The following RALGAPA1 variants were observed in gnomAD, a reference collection of about 807,000 sequenced individuals.
RALGAPA1 encodes the protein Ral GTPase activating protein catalytic subunit alpha 1, also known as ral GTPase-activating protein subunit alpha-1.
RALGAPA1 carries 52 observed loss-of-function variants against 269.6 expected under a neutral mutation model. The ratio of observed to expected loss-of-function variants is 0.19; its 90% CI spans 0.15 to 0.24. RALGAPA1 has a LOEUF of 0.24. Among genes scored for constraint, RALGAPA1 ranks in the 10% least tolerant of loss-of-function variants. RALGAPA1 has a pLI of 1.00. For synonymous variants in RALGAPA1, 817 were observed against 1,008.3 expected, an observed-to-expected ratio of 0.81 and a Z score of 3.60; for missense variants, 1,917 against 3,013.9, an observed-to-expected ratio of 0.64 and a Z score of 8.52.
rs570570502 is a variant in RALGAPA1 at position 35,792,756 on chromosome 14, C to T, written c.106+15974G>A. Reference sequence around the variant, plus strand: ...TCGTGCCACTGCACTCCAGCCTGGGCGACAGAGTGAGACCCTGTCTCAAAA... The same window carrying T: ...TCGTGCCACTGCACTCCAGCCTGGGTGACAGAGTGAGACCCTGTCTCAAAA... On this transcript the variant is annotated intron_variant, in intron 1 of 41. Transcript: ENST00000680220. Among the ~76,000 whole-genome samples the T allele has an allele frequency of 9.4e-5, 12 of 127,228 alleles. No homozygotes were observed. The South Asian group carries it at 2.8e-3, about 29-fold the overall frequency. 83.5% of individuals were successfully genotyped at this position (127,228 alleles called of 152,430 possible). A position where few individuals can be genotyped will look rare whatever the true frequency, so the allele number is the denominator to read the frequency against.
chr14:35,750,830 C>A, intron 8 of RALGAPA1, 140 bp from the exon 9 acceptor site: 1 of 706,340 alleles, frequency 1.4e-6, no homozygotes, highest in Non-Finnish European at 2.3e-6. Context: ...AATGACATTT[C>A]AAAATTTGCC....
intron 39 of RALGAPA1, 119 bp from the exon 40 acceptor site, chr14:35,549,353 A>C: frequency 9.8e-7 from 1 of 1,025,472 alleles, no homozygotes; most frequent in African/African-American, 1.6e-5. Flanking sequence ...ATTATTCACT[A>C]ATTATTCTTA....
chr14:35,610,830 A>G (rs1324903488), intron 35 of RALGAPA1, among the ~76,000 whole-genome samples: 6 of 152,218 alleles, frequency 3.9e-5, no homozygotes, highest in Non-Finnish European at 8.8e-5. Context: ...TGTTCCATAC[A>G]CTAGCAATAA....
At chr14:35,634,113 T>C (rs1325909007) in intron 33 of RALGAPA1, among the ~76,000 whole-genome samples, 1 of 152,110 alleles carries the variant, frequency 6.6e-6, no homozygotes, top group African/African-American at 2.4e-5. Flanking sequence ...ATATAAAATA[T>C]CAAAAAGAAC....
chr14:35,570,715 A>T lies in RALGAPA1; in HGVS notation c.7398T>A (p.Gly2466=). 1 of 1,606,952 alleles carries T rather than the reference A, an allele frequency of 6.2e-7. No individual in the cohort carries two copies. Among genetic ancestry groups the T allele is most frequent in the Non-Finnish European group, 8.5e-7 (1 of 1,177,384 alleles). Residue 2466 remains glycine (G), a synonymous_variant, in exon 39 of 42, where the codon GGT becomes GGA. Coordinates refer to ENST00000680220, the MANE Select transcript of RALGAPA1 (RefSeq NM_001346249.2). The part of the protein sequence containing the change: ...EVPFFGPLFD[G]AIVNGKVLPI... ...GTAGAACCTTTCCATTCACAATAGC[A>T]CCATCAAAAAGGGGACCAAAGAAGG...
At chr14:35,779,230 A>G (rs1025640354) in intron 1 of RALGAPA1, among the ~76,000 whole-genome samples, 5 of 152,180 alleles carry the variant, frequency 3.3e-5, no homozygotes, top group East Asian at 3.8e-4. Flanking sequence ...TGAAATTAGA[A>G]TAAAACAGGC....
intron 17 of RALGAPA1, among the ~76,000 whole-genome samples, chr14:35,691,822 A>G (rs2066506206): frequency 6.6e-6 from 1 of 152,172 alleles, no homozygotes; most frequent in Admixed American, 6.5e-5. Flanking sequence ...AACATAGGTT[A>G]AATATATAGT....
At chr14:35,614,042 C>A (rs2060108252) in intron 35 of RALGAPA1, among the ~76,000 whole-genome samples, 1 of 152,098 alleles carries the variant, frequency 6.6e-6, no homozygotes, top group Non-Finnish European at 1.5e-5. Context: ...CACTTTATAT[C>A]CACTAAGACG....
chr14:35,611,841 T>C (rs2059955692), intron 35 of RALGAPA1, among the ~76,000 whole-genome samples: 1 of 152,152 alleles, frequency 6.6e-6, no homozygotes, highest in Admixed American at 6.5e-5. Flanking sequence ...AAAACAATCT[T>C]GAAAAAGAAT....
At chr14:35,797,179 C>T (rs985138414) in intron 1 of RALGAPA1, among the ~76,000 whole-genome samples, 33 of 151,180 alleles carry the variant, frequency 2.2e-4, no homozygotes, top group African/African-American at 7.8e-4. Context: ...ATGGTGAAAC[C>T]CCATCTCTAC....
chr14:35,656,937 A>G (rs2063212703), intron 28 of RALGAPA1, among the ~76,000 whole-genome samples: 1 of 152,166 alleles, frequency 6.6e-6, no homozygotes, highest in African/African-American at 2.4e-5. Context: ...GCAACAATAA[A>G]CTCTCAAGTG....
At chr14:35,656,342 C>T (rs1167106546) in intron 28 of RALGAPA1, among the ~76,000 whole-genome samples, 2 of 152,138 alleles carry the variant, frequency 1.3e-5, no homozygotes, top group African/African-American at 4.8e-5. Context: ...AAATTTAACA[C>T]ACCTAGCTAC....
At chr14:35,608,944 T>C (rs1391429294) in intron 35 of RALGAPA1, among the ~76,000 whole-genome samples, 1 of 152,300 alleles carries the variant, frequency 6.6e-6, no homozygotes, top group African/African-American at 2.4e-5. Flanking sequence ...AAACAAGCCT[T>C]GGCCAGGTGC....
At chr14:35,570,844 T>G in intron 38 of RALGAPA1, 100 bp from the exon 39 acceptor site, 1 of 1,077,636 alleles carries the variant, frequency 9.3e-7, no homozygotes, top group South Asian at 1.8e-5. Context: ...TTCTGCTGCT[T>G]CTTTAGTTCT....
At chr14:35,606,345 TACA>T (rs1414297829) in intron 35 of RALGAPA1, among the ~76,000 whole-genome samples, 2 of 152,220 alleles carry the variant, frequency 1.3e-5, no homozygotes, top group Non-Finnish European at 2.9e-5. Context: ...TACAAATCTG[TACA>T]ACATGTTACT....
At chr14:35,643,179 T>C (rs2062143698) in intron 31 of RALGAPA1, among the ~76,000 whole-genome samples, 1 of 150,278 alleles carries the variant, frequency 6.7e-6, no homozygotes, top group South Asian at 2.1e-4. Flanking sequence ...CCAGGGCCTT[T>C]CGAGGGGTGG....
intron 27 of RALGAPA1, among the ~76,000 whole-genome samples, chr14:35,661,911 T>C (rs2063560642): frequency 6.6e-6 from 1 of 152,120 alleles, no homozygotes; most frequent in Non-Finnish European, 1.5e-5. Context: ...TACAGGATCA[T>C]GTAATATAAA....
At chr14:35,644,388 A>G (rs2062244784) in intron 31 of RALGAPA1, among the ~76,000 whole-genome samples, 1 of 152,190 alleles carries the variant, frequency 6.6e-6, no homozygotes, top group Admixed American at 6.5e-5. Flanking sequence ...AAAAAATTAA[A>G]ACAACAGAGA....
In RALGAPA1 at chr14:35,750,639, G is replaced by T; in HGVS notation, c.854C>A (p.Ala285Asp). ...ACAATAGATTGCTTCATTGGTTTCA[G>T]CATCTTTCTTTATCACGACATAATG... ...KPHYVVIKKD[A>D]ETNEAIYCTK... Residue 285 changes from alanine to aspartate, a missense_variant, in exon 9 of 42, where the codon GCT becomes GAT. Around this residue, in one of 11 missense-constraint regions of RALGAPA1, gnomAD observed 462 missense variants for 725.6 expected, o/e 0.64. Transcript: ENST00000680220. 1 of 1,613,274 alleles carries T rather than the reference G, an allele frequency of 6.2e-7. No individual in the cohort carries two copies. The highest frequency in any genetic ancestry group is 1.1e-5 in the South Asian group (1 of 91,000).
Sources: gnomAD v4.1 joint callset for allele counts (sites outside exome capture counted in the v4.1 genomes callset) on GRCh38, gnomAD v4.1.1 for gene constraint, gnomAD v4.1.1 regional missense constraint, MANE v1.5 for transcripts, NCBI Gene and HGNC (gene_info 2026-07-23, HGNC 2026-07-21) for gene names.